EPAS1: variants seen among roughly 807,000 people sequenced by gnomAD.
EPAS1 encodes the protein endothelial PAS domain-containing protein 1.
Under a neutral mutation model 87.9 loss-of-function variants are expected in EPAS1, and 23 were observed. That is an observed-to-expected ratio of 0.26 (90% confidence interval 0.19 to 0.37). EPAS1 has a LOEUF of 0.37. Among genes scored for constraint, EPAS1 ranks in the 10% least tolerant of loss-of-function variants. The pLI is 1.00. For missense variants in EPAS1, 1,138 were observed against 1,120.7 expected (o/e 1.02, Z -0.22); for synonymous variants, 508 against 444.3 (o/e 1.14, Z -1.80).
chr2:46,384,793 C>A lies in EPAS1; in HGVS notation c.*133C>A. The A allele has an allele frequency of 1.7e-6, 2 of 1,192,042 alleles. No homozygotes were observed. Among genetic ancestry groups the A allele is most frequent in the Non-Finnish European group, 2.4e-6 (2 of 840,162 alleles). The allele number at this position is 1,192,042 out of a possible 1,614,324, so 73.8% of individuals were successfully genotyped here. A position where few individuals can be genotyped will look rare whatever the true frequency, so the allele number is the denominator to read the frequency against. Reference sequence around the variant, plus strand: ...AAGATGGACTTACCTGGCAGACTTGCCCAGGTCACCAAGCAGTGGCCTTTT... The same window carrying A: ...AAGATGGACTTACCTGGCAGACTTGACCAGGTCACCAAGCAGTGGCCTTTT... On this transcript the variant is annotated 3_prime_UTR_variant, in exon 16 of 16. Transcript: ENST00000263734.
intron 4 of EPAS1, 58 bp downstream of exon 4, chr2:46,356,866 C>T: frequency 2.4e-6 from 3 of 1,255,600 alleles, no homozygotes; most frequent in Non-Finnish European, 3.5e-6. Flanking sequence ...TCTGCCTCCC[C>T]TTTGTCTACG....
At chr2:46,322,515 C>T (rs1483268533) in intron 1 of EPAS1, among the ~76,000 whole-genome samples, 3 of 152,108 alleles carry the variant, frequency 2.0e-5, no homozygotes, top group East Asian at 1.9e-4. Context: ...TTACTCGGCC[C>T]GCAGGTCTGA....
chr2:46,299,205 G>T (rs1307121202), intron 1 of EPAS1, among the ~76,000 whole-genome samples: 1 of 152,258 alleles, frequency 6.6e-6, no homozygotes, highest in Non-Finnish European at 1.5e-5. Context: ...GAAAGCAGCG[G>T]TTCCCACCTC....
rs1365931118 is a variant in EPAS1, at chr2:46,385,668, C to T, written c.*1008C>T. ...CAGCGGGAGCACTGCGCGCTATCCC[C>T]TCACATTCTCTATGTACTATGTATG... On this transcript the variant is annotated 3_prime_UTR_variant, in exon 16 of 16. Transcript: ENST00000263734. The T allele has an allele frequency of 6.6e-6, 1 of 150,754 alleles. No homozygotes were observed. The highest frequency in any genetic ancestry group is 6.6e-5 in the Admixed American group (1 of 15,118). The allele number at this position is 150,754 out of a possible 1,614,324, so 9.3% of individuals were successfully genotyped here. A position where few individuals can be genotyped will look rare whatever the true frequency, so the allele number is the denominator to read the frequency against.
intron 3 of EPAS1, 120 bp from the exon 4 acceptor site, chr2:46,356,604 A>G (rs897819035): frequency 4.8e-6 from 4 of 832,464 alleles, no homozygotes; most frequent in Non-Finnish European, 8.4e-6. Context: ...GACTGGGATT[A>G]TGAGAAAACC....
intron 11 of EPAS1, among the ~76,000 whole-genome samples, chr2:46,379,182 T>C (rs1355857628): frequency 6.6e-6 from 1 of 152,218 alleles, no homozygotes; most frequent in Non-Finnish European, 1.5e-5. Context: ...AAATGCACTT[T>C]AAAATAAATA....
chr2:46,356,585 C>T, intron 3 of EPAS1, 139 bp from the exon 4 acceptor site: 1 of 770,678 alleles, frequency 1.3e-6, no homozygotes, highest in Non-Finnish European at 2.3e-6. Flanking sequence ...GTCTGTGGAC[C>T]TGACACTGGA....
chr2:46,336,922 G>A (rs1184198727), intron 1 of EPAS1, among the ~76,000 whole-genome samples: 6 of 152,244 alleles, frequency 3.9e-5, no homozygotes, highest in African/African-American at 1.4e-4. Flanking sequence ...CACTAGTTCA[G>A]ACCCCAGATT....
At position 46,347,693 on chromosome 2, in the gene EPAS1, G is replaced by A. The variant is rs1427396778; in HGVS notation, c.217+630G>A. ...ATCACCCCTCCCTCGGAAAATAACT[G>A]GTTCTCCCCTCCCTAGCACCTCTGC... On this transcript the variant is annotated intron_variant, in intron 2 of 15. Transcript: ENST00000263734. This position sits in a 1 kb window ranked among gnomAD's most constrained non-coding sequence, Gnocchi z 4.2. Among the ~76,000 whole-genome samples the A allele has an allele frequency of 6.6e-6, 1 of 152,128 alleles. No homozygotes were observed. The highest frequency in any genetic ancestry group is 6.5e-5 in the Admixed American group (1 of 15,270).
chr2:46,356,382 A>G (rs905305171), intron 3 of EPAS1, 80 bp downstream of exon 3: 2 of 1,566,814 alleles, frequency 1.3e-6, no homozygotes, highest in South Asian at 1.1e-5. Context: ...GCTAGCCACA[A>G]TCCCACTTGA....
chr2:46,339,696 A>G (rs1683869113), intron 1 of EPAS1, among the ~76,000 whole-genome samples: 1 of 152,262 alleles, frequency 6.6e-6, no homozygotes, highest in African/African-American at 2.4e-5. Context: ...GGCAGCTACA[A>G]CAAGATACCG....
rs898053503 is a variant in EPAS1 at position 46,346,077 on chromosome 2, A to G, written c.27-796A>G. ...CTGGCTTTTAAATATTGCCCGTGCT[A>G]GAACTTGCCATGGACTTTATAAGAA... On this transcript the variant is annotated intron_variant, in intron 1 of 15. Coordinates refer to ENST00000263734, the MANE Select transcript of EPAS1 (RefSeq NM_001430.5). This position sits in a 1 kb window ranked among gnomAD's most constrained non-coding sequence, Gnocchi z 4.0. Among the ~76,000 whole-genome samples, 3 of 152,236 alleles carry G rather than the reference A, an allele frequency of 2.0e-5. No individual in the cohort carries two copies. Among genetic ancestry groups the G allele is most frequent in the Admixed American group, 6.5e-5 (1 of 15,290 alleles).
At chr2:46,324,856 C>T (rs750583109) in intron 1 of EPAS1, among the ~76,000 whole-genome samples, 2 of 152,266 alleles carry the variant, frequency 1.3e-5, no homozygotes, top group African/African-American at 4.8e-5. Context: ...CTGCTCTACA[C>T]TGAAAACGAA....
At chr2:46,372,017 A>G (rs1158558989) in intron 7 of EPAS1, among the ~76,000 whole-genome samples, 1 of 152,202 alleles carries the variant, frequency 6.6e-6, no homozygotes, top group African/African-American at 2.4e-5. Context: ...TTCAATCCAT[A>G]AAAAGGGCTA....
chr2:46,352,270 A>G (rs6756667), intron 2 of EPAS1, among the ~76,000 whole-genome samples: 94,378 of 152,032 alleles, frequency 0.62, 30,341 homozygotes, highest in East Asian at 0.89. Context: ...GGATTGTGGC[A>G]TCACCTTACA....
intron 1 of EPAS1, among the ~76,000 whole-genome samples, chr2:46,322,025 T>C (rs1026498320): frequency 1.3e-5 from 2 of 152,152 alleles, no homozygotes; most frequent in Non-Finnish European, 2.9e-5. Flanking sequence ...CCCTACTGAT[T>C]TGGGTGATGT....
intron 1 of EPAS1, among the ~76,000 whole-genome samples, chr2:46,316,894 A>G (rs1442744891): frequency 1.3e-5 from 2 of 152,204 alleles, no homozygotes; most frequent in African/African-American, 4.8e-5. Flanking sequence ...TGCTTTATCA[A>G]CTTAGTTGAT....
chr2:46,383,031 G>A (rs112225210), intron 15 of EPAS1, among the ~76,000 whole-genome samples: 320 of 152,312 alleles, frequency 2.1e-3, no homozygotes, highest in African/African-American at 7.5e-3. Context: ...GAGAGAGTTG[G>A]GAAGCGGTCT....
At chr2:46,337,448 C>A (rs1016538205) in intron 1 of EPAS1, among the ~76,000 whole-genome samples, 4 of 152,186 alleles carry the variant, frequency 2.6e-5, no homozygotes, top group African/African-American at 9.7e-5. Flanking sequence ...CTAAGTCCCC[C>A]CTAGAGACTG....
Sources: allele counts gnomAD v4.1 joint callset (sites outside exome capture counted in the v4.1 genomes callset), GRCh38; gene constraint gnomAD v4.1.1; non-coding constraint Gnocchi (gnomAD v3.1); transcripts MANE v1.5; gene names NCBI Gene and HGNC (gene_info 2026-07-23, HGNC 2026-07-21).